The following LBH variants were observed in gnomAD, a reference collection of about 807,000 sequenced individuals.
LBH encodes the protein LBH regulator of Wnt signaling pathway.
In LBH, 7 loss-of-function variants were observed where a neutral mutation model predicts 12.5. The observed-to-expected ratio is 0.56, with a 90% confidence interval of 0.32 to 1.05. LBH has a LOEUF of 1.05. Ranked by LOEUF, LBH falls within the 50% of genes least tolerant of loss-of-function variation. The pLI, the probability that LBH is intolerant of heterozygous loss-of-function variation, is 0.04. For synonymous variants in LBH, 51 were observed against 50.1 expected (o/e 1.02, Z -0.08); for missense variants, 119 against 138.9 (o/e 0.86, Z 0.72).
Position 30,238,871 on chromosome 2 carries a change from C to T in LBH, c.129+4364C>T, listed in dbSNP as rs150382786. 2.7e-5 allele frequency among the ~76,000 whole-genome samples: 4 copies of T among 148,470 alleles called. No individual in the cohort carries two copies. In the East Asian group the frequency reaches 6.1e-4, roughly 23 times the overall value. ...TCCCAAATAGCCACCTTCTTTCTCT[C>T]ACTCCTCCCCACTCTTTTTTTTTTT... On this transcript the variant is annotated intron_variant, in intron 2 of 2. Coordinates refer to ENST00000395323, the MANE Select transcript of LBH (RefSeq NM_030915.4).
At chr2:30,250,432 A>G (rs1046168211) in intron 2 of LBH, among the ~76,000 whole-genome samples, 3 of 151,674 alleles carry the variant, frequency 2.0e-5, no homozygotes, top group South Asian at 4.2e-4. Flanking sequence ...CGCTTTCCCT[A>G]TTAGCATCTC....
chr2:30,257,917 A>G lies in LBH; in HGVS notation c.*296A>G, dbSNP rs889344596. ...GGGAGCGAGTGCTGTTTTTGAGATC[A>G]TTATCTGAACTCAGGCAGCCTAGTA... On this transcript the variant is annotated 3_prime_UTR_variant, in exon 3 of 3. Transcript: ENST00000395323. 3.3e-4 allele frequency: 81 copies of G among 244,050 alleles called. No homozygotes were observed. The highest frequency in any genetic ancestry group is 2.0e-4 in the Non-Finnish European group (26 of 127,310). The allele number at this position is 244,050 out of a possible 1,614,324, so 15.1% of individuals were successfully genotyped here.
Position 30,231,691 on chromosome 2 carries a change from G to A in LBH, c.-48G>A, listed in dbSNP as rs1354751299. 3.8e-6 allele frequency: 6 copies of A among 1,575,552 alleles called. No individual in the cohort carries two copies. Among genetic ancestry groups the A allele is most frequent in the South Asian group, 1.1e-5 (1 of 88,004 alleles). Reference sequence around the variant, plus strand: ...GTGTCATCCTCACTCGGGACGCAGGGACCGTTTTTAAATCACAGGGGCGTG... The same window carrying A: ...GTGTCATCCTCACTCGGGACGCAGGAACCGTTTTTAAATCACAGGGGCGTG... On this transcript the variant is annotated 5_prime_UTR_variant, in exon 1 of 3. Transcript: ENST00000395323.
chr2:30,242,493 CT>C (rs952236675), intron 2 of LBH, among the ~76,000 whole-genome samples: 1 of 152,142 alleles, frequency 6.6e-6, no homozygotes, highest in African/African-American at 2.4e-5. Context: ...ATCTGCCCAC[CT>C]CAGCCTCCAA....
At chr2:30,237,676 T>A (rs544854850) in intron 2 of LBH, among the ~76,000 whole-genome samples, 2 of 152,312 alleles carry the variant, frequency 1.3e-5, no homozygotes, top group South Asian at 4.1e-4. Context: ...AGATGCCCTT[T>A]TAATCCCCTG....
chr2:30,247,070 C>T (rs1056848942), intron 2 of LBH, among the ~76,000 whole-genome samples: 2 of 152,000 alleles, frequency 1.3e-5, no homozygotes, highest in Non-Finnish European at 2.9e-5. Flanking sequence ...GTCCTCCCAC[C>T]TCAGCCTCCC....
At chr2:30,249,259 G>A (rs1310039293) in intron 2 of LBH, among the ~76,000 whole-genome samples, 1 of 152,216 alleles carries the variant, frequency 6.6e-6, no homozygotes, top group Non-Finnish European at 1.5e-5. Context: ...GTATTTCAAA[G>A]ACGGAATTTC....
At chr2:30,253,836 C>T (rs1678029934) in intron 2 of LBH, among the ~76,000 whole-genome samples, 1 of 152,138 alleles carries the variant, frequency 6.6e-6, no homozygotes, top group Admixed American at 6.5e-5. Flanking sequence ...AAGAAGGTCA[C>T]CTCATGTCTC....
chr2:30,256,809 AGCCAC>A, intron 2 of LBH: 1 of 154,516 alleles, frequency 6.5e-6, no homozygotes, highest in Non-Finnish European at 1.4e-5. Flanking sequence ...TACAGGTGTG[AGCCAC>A]CAGGCCCAGC....
intron 2 of LBH, among the ~76,000 whole-genome samples, chr2:30,246,194 A>G (rs916038693): frequency 6.6e-6 from 1 of 152,100 alleles, no homozygotes; most frequent in Non-Finnish European, 1.5e-5. Flanking sequence ...CTTGACCTCA[A>G]GTGATCTGCC....
intron 2 of LBH, among the ~76,000 whole-genome samples, chr2:30,246,608 C>G (rs1442916953): frequency 6.6e-6 from 1 of 152,130 alleles, no homozygotes; most frequent in Non-Finnish European, 1.5e-5. Context: ...GAAGACTAGG[C>G]TAGACTCTCA....
intron 2 of LBH, among the ~76,000 whole-genome samples, chr2:30,239,962 G>A (rs987051198): frequency 3.3e-5 from 5 of 152,194 alleles, no homozygotes; most frequent in African/African-American, 1.2e-4. Flanking sequence ...TGGTCAGGGA[G>A]AGAACAAGCT....
chr2:30,231,634 C>A lies in LBH; in HGVS notation c.-105C>A. On this transcript the variant is annotated 5_prime_UTR_variant, in exon 1 of 3. Coordinates refer to ENST00000395323, the MANE Select transcript of LBH (RefSeq NM_030915.4). ...GCGGACGGCGAGCGCCCGGTGTCCGCACTCGGCCGCCTGCCGTGCCCGTCT... is the reference window on the plus strand; with the variant it reads ...GCGGACGGCGAGCGCCCGGTGTCCGAACTCGGCCGCCTGCCGTGCCCGTCT... 1.7e-6 allele frequency: 2 copies of A among 1,170,944 alleles called. No individual in the cohort carries two copies. The highest frequency in any genetic ancestry group is 2.5e-6 in the Non-Finnish European group (2 of 793,450). The allele number at this position is 1,170,944 out of a possible 1,614,324, so 72.5% of individuals were successfully genotyped here.
chr2:30,252,086 A>T (rs1484217599), intron 2 of LBH, among the ~76,000 whole-genome samples: 1 of 152,174 alleles, frequency 6.6e-6, no homozygotes. Flanking sequence ...GTCCCCACCC[A>T]GATCTTATCT....
At chr2:30,252,517 C>T (rs1174459725) in intron 2 of LBH, among the ~76,000 whole-genome samples, 4 of 152,134 alleles carry the variant, frequency 2.6e-5, no homozygotes, top group Non-Finnish European at 4.4e-5. Context: ...AAAAAATTAG[C>T]CGGGCGTGGT....
intron 1 of LBH, 135 bp downstream of exon 1, chr2:30,231,899 C>T: frequency 1.6e-6 from 1 of 642,370 alleles, no homozygotes; most frequent in Non-Finnish European, 2.2e-6. Flanking sequence ...CGCCCGAGCC[C>T]GTGCAGGAGT....
At chr2:30,243,999 T>G (rs1677833627) in intron 2 of LBH, among the ~76,000 whole-genome samples, 1 of 152,176 alleles carries the variant, frequency 6.6e-6, no homozygotes, top group Non-Finnish European at 1.5e-5. Flanking sequence ...CAAAGTTCAT[T>G]TAGGTGCTAT....
chr2:30,249,140 T>C (rs1274019869), intron 2 of LBH, among the ~76,000 whole-genome samples: 1 of 152,168 alleles, frequency 6.6e-6, no homozygotes, highest in Admixed American at 6.5e-5. Flanking sequence ...TTAGTAGCCC[T>C]GCTGCCCCTT....
At position 30,234,423 on chromosome 2, in the gene LBH, G is replaced by C; in HGVS notation, c.45G>C (p.Ser15=). Residue 15 remains serine (S), a synonymous_variant, in exon 2 of 3, where the codon TCG becomes TCC. Coordinates refer to ENST00000395323, the MANE Select transcript of LBH (RefSeq NM_030915.4). ...TTGGCAGCCCCGACTATCTGAGATCGGCCAAGATGACTGAGGTGATGATGA... is the reference window on the plus strand; with the variant it reads ...TTGGCAGCCCCGACTATCTGAGATCCGCCAAGATGACTGAGGTGATGATGA... The part of the protein sequence containing the change: ...FPIHCPDYLR[S]AKMTEVMMNT... The C allele has an allele frequency of 6.2e-7, 1 of 1,614,070 alleles. No individual in the cohort carries two copies. Among genetic ancestry groups the C allele is most frequent in the South Asian group, 1.1e-5 (1 of 91,076 alleles).
Sources: gnomAD v4.1 joint callset for allele counts (sites outside exome capture counted in the v4.1 genomes callset) on GRCh38, gnomAD v4.1.1 for gene constraint, MANE v1.5 for transcripts, NCBI Gene and HGNC (gene_info 2026-07-23, HGNC 2026-07-21) for gene names.